The following CCDC178 variants were observed in gnomAD, a reference collection of about 807,000 sequenced individuals.
CCDC178 encodes the protein coiled-coil domain containing 178.
CCDC178 carries 126 observed loss-of-function variants against 117.4 expected under a neutral mutation model. That is an observed-to-expected ratio of 1.07 (90% confidence interval 0.93 to 1.24). The LOEUF (loss-of-function observed/expected upper bound fraction) is 1.24, where lower values mean the gene tolerates loss of function less well. Among genes scored for constraint, CCDC178 ranks in the 50% most tolerant of loss-of-function variants. CCDC178 has a pLI of 0.00. For missense variants in CCDC178, 1,030 were observed against 986.9 expected (o/e 1.04, Z -0.59); for synonymous variants, 283 against 313.4 (o/e 0.90, Z 1.02).
At chr18:33,197,663 G>A (rs572309083) in intron 20 of CCDC178, among the ~76,000 whole-genome samples, 1 of 150,816 alleles carries the variant, frequency 6.6e-6, no homozygotes, top group African/African-American at 2.4e-5. Context: ...AACCCTGAAA[G>A]ATCAACTTAG....
At chr18:33,440,274 T>G (rs973099549) in intron 1 of CCDC178, among the ~76,000 whole-genome samples, 193 bp from the exon 2 acceptor site, 2 of 96,616 alleles carry the variant, frequency 2.1e-5, no homozygotes, top group African/African-American at 8.2e-5. Flanking sequence ...CTGCTTCCCT[T>G]CCCCCGGCAG....
At chr18:33,285,939 G>A (rs1259387933) in intron 12 of CCDC178, among the ~76,000 whole-genome samples, 2 of 149,590 alleles carry the variant, frequency 1.3e-5, no homozygotes, top group Non-Finnish European at 3.0e-5. Flanking sequence ...CATAAAAAGT[G>A]TTGAAATCCT....
chr18:33,067,510 T>C (rs1289036306), intron 21 of CCDC178, among the ~76,000 whole-genome samples: 43 of 152,144 alleles, frequency 2.8e-4, no homozygotes, highest in African/African-American at 2.4e-5. Context: ...ATAATAATGA[T>C]TGAAGCATAC....
intron 11 of CCDC178, among the ~76,000 whole-genome samples, chr18:33,317,400 A>C (rs1267711902): frequency 6.6e-6 from 1 of 152,174 alleles, no homozygotes; most frequent in East Asian, 1.9e-4. Context: ...GAACATCAGA[A>C]GGAACAAACT....
chr18:33,280,671 C>G (rs1465907295), intron 12 of CCDC178, among the ~76,000 whole-genome samples: 3 of 152,102 alleles, frequency 2.0e-5, no homozygotes, highest in Non-Finnish European at 4.4e-5. Flanking sequence ...TATTGCGGCA[C>G]TATTCACAGT....
In CCDC178 at chr18:32,962,650, C is replaced by T. The variant is rs143327490; in HGVS notation, c.2523+11897G>A. ...TAATTTTTTGTTTCTTTTCCTCTGG[C>T]TGTTTTTAAGATTACCTCTTTATTT... On this transcript the variant is annotated intron_variant, in intron 22 of 22. Coordinates refer to ENST00000383096, the MANE Select transcript of CCDC178 (RefSeq NM_001105528.4). 3.6e-3 allele frequency among the ~76,000 whole-genome samples: 541 copies of T among 152,038 alleles called. 4 individuals are homozygous for T. The highest frequency in any genetic ancestry group is 0.012 in the African/African-American group (512 of 41,482).
chr18:33,387,329 A>G (rs1443439657), intron 5 of CCDC178, among the ~76,000 whole-genome samples: 1 of 152,222 alleles, frequency 6.6e-6, no homozygotes, highest in African/African-American at 2.4e-5. Context: ...ACTACCATTG[A>G]CATTCATCAC....
chr18:33,251,044 A>ATTT (rs2059614351), intron 14 of CCDC178, among the ~76,000 whole-genome samples: 1 of 151,696 alleles, frequency 6.6e-6, no homozygotes, highest in Non-Finnish European at 1.5e-5. Flanking sequence ...AGAATATGAC[A>ATTT]CGGAGATAAG....
chr18:33,316,079 C>T (rs2062411046), intron 11 of CCDC178, among the ~76,000 whole-genome samples: 2 of 152,310 alleles, frequency 1.3e-5, no homozygotes, highest in African/African-American at 2.4e-5. Context: ...GTCCTGGCAG[C>T]CCTCGCTTGC....
chr18:33,287,739 A>C (rs2060116855), intron 12 of CCDC178, among the ~76,000 whole-genome samples: 1 of 152,202 alleles, frequency 6.6e-6, no homozygotes, highest in Non-Finnish European at 1.5e-5. Context: ...AGATCATGCC[A>C]CTGCATTCCA....
intron 15 of CCDC178, among the ~76,000 whole-genome samples, chr18:33,241,261 A>G (rs1403447456): frequency 2.0e-5 from 3 of 151,870 alleles, no homozygotes; most frequent in Non-Finnish European, 2.9e-5. Context: ...GAAAAGCTAA[A>G]CGTCTTTCCT....
At position 33,440,657 on chromosome 18, in the gene CCDC178, TCCGCGCGTTTCC is replaced by T. The variant is rs1358390715; in HGVS notation, c.-159_-148del. On this transcript the variant is annotated 5_prime_UTR_variant, in exon 1 of 23. Coordinates refer to ENST00000383096, the MANE Select transcript of CCDC178 (RefSeq NM_001105528.4). The stretch of plus-strand genomic sequence containing the variant: ...GCACAAGCGCCCCCGACTCACCGGC[TCCGCGCGTTTCC>T]CCGCGCGTCTCCCGGACCCGCGCCT... 6.6e-6 allele frequency: 1 copy of T among 151,496 alleles called. No homozygotes were observed. The highest frequency in any genetic ancestry group is 6.6e-5 in the Admixed American group (1 of 15,196). 9.4% of individuals were successfully genotyped at this position (151,496 alleles called of 1,614,324 possible).
intron 21 of CCDC178, among the ~76,000 whole-genome samples, chr18:32,977,944 T>C (rs754859134): frequency 4.9e-4 from 74 of 152,284 alleles, no homozygotes; most frequent in Non-Finnish European, 6.3e-4. Flanking sequence ...AGGAATTCCT[T>C]AACAACAAGG....
intron 11 of CCDC178, among the ~76,000 whole-genome samples, chr18:33,294,871 G>A (rs2062087517): frequency 6.6e-6 from 1 of 152,146 alleles, no homozygotes; most frequent in Non-Finnish European, 1.5e-5. Context: ...TATTATTTTA[G>A]TGGTTCACTT....
chr18:33,436,398 C>G (rs1190643454), intron 2 of CCDC178, among the ~76,000 whole-genome samples: 1 of 152,098 alleles, frequency 6.6e-6, no homozygotes, highest in Non-Finnish European at 1.5e-5. Flanking sequence ...AGGACTTGAG[C>G]AGATATGAGC....
At chr18:33,142,281 C>G (rs1334733039) in intron 20 of CCDC178, among the ~76,000 whole-genome samples, 1 of 152,168 alleles carries the variant, frequency 6.6e-6, no homozygotes, top group Non-Finnish European at 1.5e-5. Flanking sequence ...AAAGGCTTAT[C>G]CAGCCCGAGA....
At chr18:33,272,297 A>G (rs544513266) in intron 12 of CCDC178, among the ~76,000 whole-genome samples, 2 of 151,658 alleles carry the variant, frequency 1.3e-5, no homozygotes, top group African/African-American at 2.4e-5. Context: ...AATTAGATAA[A>G]CAACATGAAA....
At chr18:33,413,703 GA>G (rs1185689521) in intron 2 of CCDC178, among the ~76,000 whole-genome samples, 2 of 152,118 alleles carry the variant, frequency 1.3e-5, no homozygotes, top group Non-Finnish European at 2.9e-5. Context: ...TTTCCCTGGG[GA>G]CAACATCTGA....
chr18:33,257,434 G>C lies in CCDC178; in HGVS notation c.1409+9482C>G, dbSNP rs141258006. 8.0e-3 allele frequency among the ~76,000 whole-genome samples: 1,218 copies of C among 152,038 alleles called. 23 individuals are homozygous for C. The highest frequency in any genetic ancestry group is 0.027 in the African/African-American group (1,137 of 41,490). On this transcript the variant is annotated intron_variant, in intron 14 of 22. Coordinates refer to ENST00000383096, the MANE Select transcript of CCDC178 (RefSeq NM_001105528.4). The stretch of plus-strand genomic sequence containing the variant: ...ATCCATGGCCCATGACCTATTATTT[G>C]AAGCCACTAAAATTTAATTCCCTTG...
Sources: allele counts gnomAD v4.1 joint callset (sites outside exome capture counted in the v4.1 genomes callset), GRCh38; gene constraint gnomAD v4.1.1; transcripts MANE v1.5; gene names NCBI Gene and HGNC (gene_info 2026-07-23, HGNC 2026-07-21).